LPXN: variants seen among roughly 807,000 people sequenced by gnomAD.
LPXN encodes leupaxin.
In LPXN, 28 loss-of-function variants were observed where a neutral mutation model predicts 45.6. The observed-to-expected ratio is 0.61, with a 90% CI of 0.45 to 0.84. The LOEUF (loss-of-function observed/expected upper bound fraction) is 0.84. LPXN is among the 40% of genes least tolerant of loss of function. LPXN has a pLI of 0.00. For synonymous variants in LPXN, 166 were observed against 169.9 expected (o/e 0.98, Z 0.18); for missense variants, 459 against 475.0 (o/e 0.97, Z 0.31).
chr11:58,541,019 AC>A, intron 7 of LPXN, among the ~76,000 whole-genome samples: 1 of 152,288 alleles, frequency 6.6e-6, no homozygotes, highest in Non-Finnish European at 1.5e-5. Flanking sequence ...CCTTCCTTAC[AC>A]CTTATACAAA....
upstream of LPXN, chr11:58,577,952 C>T: frequency 6.5e-7 from 1 of 1,538,396 alleles, no homozygotes; most frequent in Non-Finnish European, 8.8e-7. Flanking sequence ...TCCGAGGGCC[C>T]AAGGACCCCA....
At chr11:58,572,800 AG>A (rs1854748774) in intron 1 of LPXN, among the ~76,000 whole-genome samples, 1 of 152,192 alleles carries the variant, frequency 6.6e-6, no homozygotes. Flanking sequence ...ACATAATTAC[AG>A]GGGTGAAAGG....
chr11:58,568,532 G>C (rs774042652), intron 2 of LPXN, among the ~76,000 whole-genome samples: 1 of 151,426 alleles, frequency 6.6e-6, no homozygotes, highest in African/African-American at 2.4e-5. Context: ...GAACCTGGGA[G>C]GCAGAGGTGG....
intron 7 of LPXN, among the ~76,000 whole-genome samples, chr11:58,547,357 T>C (rs542325332): frequency 6.6e-6 from 1 of 152,164 alleles, no homozygotes; most frequent in South Asian, 2.1e-4. Flanking sequence ...AAGGAGAGAA[T>C]AGCTAGTCAA....
chr11:58,561,861 T>A (rs959551730), intron 3 of LPXN, among the ~76,000 whole-genome samples: 1 of 152,184 alleles, frequency 6.6e-6, no homozygotes, highest in Non-Finnish European at 1.5e-5. Context: ...ACATAAGAAA[T>A]GAGAGACCTT....
chr11:58,576,428 G>A (rs1191569601), upstream of LPXN, among the ~76,000 whole-genome samples: 1 of 152,152 alleles, frequency 6.6e-6, no homozygotes, highest in Non-Finnish European at 1.5e-5. Flanking sequence ...AAAGAAGGAA[G>A]CCAGGTTTGA....
At chr11:58,558,435 G>T (rs1481171460) in intron 3 of LPXN, among the ~76,000 whole-genome samples, 1 of 151,156 alleles carries the variant, frequency 6.6e-6, no homozygotes, top group African/African-American at 2.4e-5. Context: ...TACTCAGGAG[G>T]CTGGGGCAGG....
chr11:58,547,963 AAAAC>A (rs1853925985), intron 7 of LPXN, among the ~76,000 whole-genome samples: 1 of 152,164 alleles, frequency 6.6e-6, no homozygotes, highest in South Asian at 2.1e-4. Flanking sequence ...GAAATTAAAA[AAAAC>A]AAGACAATTC....
chr11:58,575,824 G>A lies in LPXN; in HGVS notation c.-52C>T, dbSNP rs1483836840. 8 of 1,614,110 alleles carry A rather than the reference G, an allele frequency of 5.0e-6. No homozygotes were observed. The highest frequency in any genetic ancestry group is 5.9e-6 in the Non-Finnish European group (7 of 1,180,002). ...TCACAGGCCGTGAGGAACAGCTTTG[G>A]CATGTGCTGAAGAAGAGGACCGCAA... On this transcript the variant is annotated 5_prime_UTR_variant, in exon 1 of 9. Coordinates refer to ENST00000395074, the MANE Select transcript of LPXN (RefSeq NM_004811.3).
At chr11:58,541,027 C>T (rs996413359) in intron 7 of LPXN, among the ~76,000 whole-genome samples, 1 of 152,046 alleles carries the variant, frequency 6.6e-6, no homozygotes, top group African/African-American at 2.4e-5. Context: ...ACACCTTATA[C>T]AAAAATTAAT....
At position 58,574,443 on chromosome 11, in the gene LPXN, G is replaced by A. The variant is rs534359794; in HGVS notation, c.13+1317C>T. 9.9e-5 allele frequency among the ~76,000 whole-genome samples: 15 copies of A among 152,176 alleles called. No homozygotes were observed. The East Asian group carries it at 2.9e-3, about 29-fold the overall frequency. On this transcript the variant is annotated intron_variant, in intron 1 of 8. Transcript: ENST00000395074. ...GAAGTGGATAACACCTATTTCAGAG[G>A]GTTGCTGCAGACACTAAAATGATTA...
intron 7 of LPXN, among the ~76,000 whole-genome samples, chr11:58,538,555 G>C (rs1287600361): frequency 1.3e-5 from 2 of 151,966 alleles, no homozygotes; most frequent in African/African-American, 4.8e-5. Context: ...GTGTTTTTTG[G>C]CTGCATAAAT....
intron 3 of LPXN, among the ~76,000 whole-genome samples, chr11:58,562,679 G>C (rs1854412545): frequency 6.6e-6 from 1 of 151,818 alleles, no homozygotes; most frequent in South Asian, 2.1e-4. Flanking sequence ...AAAGAAAAGA[G>C]GAGAAGTTAC....
chr11:58,536,809 A>C (rs564427912), intron 7 of LPXN, among the ~76,000 whole-genome samples: 5 of 152,298 alleles, frequency 3.3e-5, no homozygotes, highest in Non-Finnish European at 5.9e-5. Flanking sequence ...AAACAAATTT[A>C]CAAGAAAAAA....
intron 3 of LPXN, among the ~76,000 whole-genome samples, 188 bp from the exon 4 acceptor site, chr11:58,555,128 C>A (rs891047695): frequency 6.6e-6 from 1 of 152,122 alleles, no homozygotes; most frequent in African/African-American, 2.4e-5. Flanking sequence ...GTTCTCTCTG[C>A]CTTTTTTCTC....
chr11:58,539,285 G>A (rs1287749126), intron 7 of LPXN, among the ~76,000 whole-genome samples: 2 of 152,122 alleles, frequency 1.3e-5, no homozygotes, highest in African/African-American at 4.8e-5. Flanking sequence ...ACTCTAGCCT[G>A]GGAGACAGCA....
rs760442189 is a variant in LPXN at position 58,554,904 on chromosome 11, A to G, written c.255T>C (p.Ser85=). 1.2e-6 allele frequency: 2 copies of G among 1,614,114 alleles called. No individual in the cohort carries two copies. Among genetic ancestry groups the G allele is most frequent in the Non-Finnish European group, 1.7e-6 (2 of 1,179,994 alleles). The part of the protein sequence containing the change: ...AQEPKESPPP[S]KTSAAAQLDE... ...CCAACTGAGCAGCTGCTGACGTTTT[A>G]GAAGGTGGTGGTGATTCCTTTGGCT... Residue 85 remains serine, a synonymous_variant, in exon 4 of 9, where the codon TCT becomes TCC. Coordinates refer to ENST00000395074, the MANE Select transcript of LPXN (RefSeq NM_004811.3).
Position 58,549,865 on chromosome 11 carries a change from T to C in LPXN, c.663A>G (p.Lys221=). The C allele has an allele frequency of 6.2e-7, 1 of 1,614,138 alleles. No individual in the cohort carries two copies. The highest frequency in any genetic ancestry group is 8.5e-7 in the Non-Finnish European group (1 of 1,180,010). Residue 221 remains lysine, a splice_region_variant and synonymous_variant, in exon 7 of 9, where the codon AAA becomes AAG. Transcript: ENST00000395074. ...AGGTCTGGTTCATTGCTGTCAGCAC[T>C]TTCTGGAAAGGGAACACACAGATAT... ...CAYCAAPILD[K]VLTAMNQTWH...
chr11:58,564,026 G>A (rs1854455752), intron 3 of LPXN, 129 bp downstream of exon 3: 1 of 621,242 alleles, frequency 1.6e-6, no homozygotes, highest in South Asian at 2.0e-5. Context: ...CAAAGACTAT[G>A]GAAAGAGGAG....
Sources: allele counts gnomAD v4.1 joint callset (sites outside exome capture counted in the v4.1 genomes callset), GRCh38; gene constraint gnomAD v4.1.1; transcripts MANE v1.5; gene names NCBI Gene and HGNC (gene_info 2026-07-23, HGNC 2026-07-21).